The following TNIK variants were observed in gnomAD, a reference collection of about 807,000 sequenced individuals.
TNIK encodes TRAF2 and NCK-interacting protein kinase.
Under a neutral mutation model 191.3 loss-of-function variants are expected in TNIK, and 49 were observed. The ratio of observed to expected loss-of-function variants is 0.26; its 90% CI spans 0.20 to 0.32. The LOEUF (loss-of-function observed/expected upper bound fraction) is 0.32, where lower values mean the gene tolerates loss of function less well. TNIK is among the 10% of genes least tolerant of loss of function. TNIK has a pLI of 1.00. For missense variants in TNIK, 1,155 were observed against 1,702.3 expected, an observed-to-expected ratio of 0.68 and a Z score of 5.66; for synonymous variants, 594 against 600.9, an observed-to-expected ratio of 0.99 and a Z score of 0.17.
At chr3:171,343,622 C>T (rs570817340) in intron 2 of TNIK, among the ~76,000 whole-genome samples, 28 of 152,272 alleles carry the variant, frequency 1.8e-4, no homozygotes, top group African/African-American at 6.5e-4. Flanking sequence ...TGGAGTCAAC[C>T]TCTAGGTGAA....
At chr3:171,279,729 C>T (rs1164503141) in intron 2 of TNIK, among the ~76,000 whole-genome samples, 1 of 152,182 alleles carries the variant, frequency 6.6e-6, no homozygotes, top group Non-Finnish European at 1.5e-5. Flanking sequence ...CTAAGCATTT[C>T]ACACCTATCA....
In TNIK at chr3:171,111,014, A is replaced by G. The variant is rs191620951; in HGVS notation, c.2121-137T>C. ...CAATAGCAAGAAAACGAATAACCCA[A>G]TTAAAAATGGGGAAAGGACCTGAAT... On this transcript the variant is annotated intron_variant, in intron 18 of 32. Transcript: ENST00000436636. The G allele has an allele frequency of 1.1e-4, 96 of 847,712 alleles. No individual in the cohort carries two copies. The African/African-American group carries it at 1.5e-3, about 13-fold the overall frequency. The allele number at this position is 847,712 out of a possible 1,614,324, so 52.5% of individuals were successfully genotyped here.
At chr3:171,278,128 T>C (rs1749986803) in intron 2 of TNIK, among the ~76,000 whole-genome samples, 1 of 152,318 alleles carries the variant, frequency 6.6e-6, no homozygotes, top group Admixed American at 6.5e-5. Flanking sequence ...CCTCGAGACC[T>C]AGTGTCTAAT....
chr3:171,441,146 C>T (rs73879567), intron 1 of TNIK, among the ~76,000 whole-genome samples: 5,503 of 152,172 alleles, frequency 0.036, 339 homozygotes, highest in African/African-American at 0.13. Context: ...TTTGCCTTCA[C>T]GGTGTGTGGA....
chr3:171,247,627 G>A (rs1745741203), intron 2 of TNIK, among the ~76,000 whole-genome samples: 1 of 152,092 alleles, frequency 6.6e-6, no homozygotes. Context: ...GAGACAGAAG[G>A]ACTTGCAATG....
intron 1 of TNIK, among the ~76,000 whole-genome samples, chr3:171,372,086 C>T (rs1716568090): frequency 6.6e-6 from 1 of 152,168 alleles, no homozygotes; most frequent in South Asian, 2.1e-4. Context: ...GGTCACTCGC[C>T]TCAGGGTCCC....
At position 171,061,349 on chromosome 3, in the gene TNIK, A is replaced by G. The variant is rs1431756620; in HGVS notation, c.*2532T>C. On this transcript the variant is annotated 3_prime_UTR_variant, in exon 33 of 33. Transcript: ENST00000436636. ...TATAAAAGGCATGGCTTGATGTTTAACGTGTGTTTTATTGTTGTTGGCACC... is the reference window on the plus strand; with the variant it reads ...TATAAAAGGCATGGCTTGATGTTTAGCGTGTGTTTTATTGTTGTTGGCACC... 6.7e-6 allele frequency: 1 copy of G among 149,834 alleles called. No individual in the cohort carries two copies. Among genetic ancestry groups the G allele is most frequent in the African/African-American group, 2.5e-5 (1 of 40,354 alleles). The allele number at this position is 149,834 out of a possible 1,614,324, so 9.3% of individuals were successfully genotyped here.
At chr3:171,217,558 A>G (rs1741595618) in intron 3 of TNIK, among the ~76,000 whole-genome samples, 1 of 152,172 alleles carries the variant, frequency 6.6e-6, no homozygotes, top group Non-Finnish European at 1.5e-5. Context: ...TTGCAAAAAA[A>G]AAGTAAAGAA....
intron 2 of TNIK, 91 bp downstream of exon 2, chr3:171,369,529 A>T (rs1397024095): frequency 1.1e-6 from 1 of 889,860 alleles, no homozygotes; most frequent in Non-Finnish European, 1.7e-6. Flanking sequence ...ATTTGTTAGG[A>T]GCCATTTATG....
At chr3:171,076,311 T>G (rs1352030356) in intron 28 of TNIK, among the ~76,000 whole-genome samples, 1 of 152,094 alleles carries the variant, frequency 6.6e-6, no homozygotes, top group African/African-American at 2.4e-5. Context: ...GAGTCCCCTT[T>G]CTAGTTGGCA....
intron 12 of TNIK, among the ~76,000 whole-genome samples, chr3:171,141,879 T>G (rs1370263707): frequency 6.6e-6 from 1 of 152,212 alleles, no homozygotes; most frequent in East Asian, 1.9e-4. Context: ...TTAGGAAACA[T>G]GAGGTACCCA....
At chr3:171,459,754 G>A (rs1729236271) in intron 1 of TNIK, among the ~76,000 whole-genome samples, 1 of 151,254 alleles carries the variant, frequency 6.6e-6, no homozygotes, top group Admixed American at 6.6e-5. Context: ...AGATGAAACT[G>A]GCATAAGCTC....
intron 12 of TNIK, 99 bp downstream of exon 12, chr3:171,157,361 C>A: frequency 7.0e-7 from 1 of 1,424,064 alleles, no homozygotes; most frequent in African/African-American, 1.4e-5. Flanking sequence ...CCTCTAAGCT[C>A]TGTGTGCTCA....
At position 171,285,674 on chromosome 3, in the gene TNIK, T is replaced by C. The variant is rs890622332; in HGVS notation, c.124-57453A>G. Among the ~76,000 whole-genome samples the C allele has an allele frequency of 5.6e-4, 85 of 152,320 alleles. 2 individuals carry two copies. Among genetic ancestry groups the C allele is most frequent in the African/African-American group, 2.0e-3 (82 of 41,576 alleles). The stretch of plus-strand genomic sequence containing the variant: ...TTTAAATCAATTTATTAGATGTTAA[T>C]AAAATTAACCCCTATTCCTCCATTC... On this transcript the variant is annotated intron_variant, in intron 2 of 32. Coordinates refer to ENST00000436636, the MANE Select transcript of TNIK (RefSeq NM_015028.4).
intron 2 of TNIK, among the ~76,000 whole-genome samples, chr3:171,313,018 C>T (rs1310867906): frequency 6.6e-6 from 1 of 151,540 alleles, no homozygotes; most frequent in Non-Finnish European, 1.5e-5. Context: ...GGTGCTACGC[C>T]GAATAAGAGA....
At chr3:171,452,356 G>A (rs1728264995) in intron 1 of TNIK, among the ~76,000 whole-genome samples, 1 of 152,090 alleles carries the variant, frequency 6.6e-6, no homozygotes, top group African/African-American at 2.4e-5. Flanking sequence ...AATGCCCTCA[G>A]TCCTGCCTCT....
chr3:171,223,536 T>C (rs1429857836), intron 3 of TNIK, among the ~76,000 whole-genome samples: 1 of 152,166 alleles, frequency 6.6e-6, no homozygotes, highest in African/African-American at 2.4e-5. Context: ...GAGGATAGAC[T>C]TAAAGGATGG....
chr3:171,419,636 C>A (rs904088947), intron 1 of TNIK, among the ~76,000 whole-genome samples: 8 of 152,188 alleles, frequency 5.3e-5, no homozygotes, highest in Non-Finnish European at 1.0e-4. Flanking sequence ...AGCTGTGTAA[C>A]CTTGGGCCAG....
intron 2 of TNIK, among the ~76,000 whole-genome samples, chr3:171,276,471 A>G (rs948849827): frequency 6.6e-6 from 1 of 152,242 alleles, no homozygotes; most frequent in African/African-American, 2.4e-5. Flanking sequence ...TAAAGGGTCA[A>G]AAGCATAAGG....
Sources: allele counts gnomAD v4.1 joint callset (sites outside exome capture counted in the v4.1 genomes callset), GRCh38; gene constraint gnomAD v4.1.1; transcripts MANE v1.5; gene names NCBI Gene and HGNC (gene_info 2026-07-23, HGNC 2026-07-21).